FILIP1L: variants seen among roughly 807,000 people sequenced by gnomAD.
The protein encoded by FILIP1L is filamin A interacting protein 1 like.
A neutral mutation model predicts 96.6 loss-of-function variants in FILIP1L; 55 were observed. That is an observed-to-expected ratio of 0.57 (90% CI 0.46 to 0.71). The LOEUF (loss-of-function observed/expected upper bound fraction) is 0.71, where lower values mean the gene tolerates loss of function less well. Ranked by LOEUF, FILIP1L falls within the 30% of genes least tolerant of loss-of-function variation. The pLI, the probability that FILIP1L is intolerant of heterozygous loss-of-function variation, is 0.00. For synonymous variants in FILIP1L, 467 were observed against 473.9 expected (o/e 0.99, Z 0.19); for missense variants, 1,304 against 1,321.2 (o/e 0.99, Z 0.20).
At chr3:99,837,513 TGAA>T (rs1942951132) in intron 5 of FILIP1L, among the ~76,000 whole-genome samples, 1 of 152,146 alleles carries the variant, frequency 6.6e-6, no homozygotes, top group Non-Finnish European at 1.5e-5. Flanking sequence ...TTGAGTTGTT[TGAA>T]GAGTGTCTGT....
intron 1 of FILIP1L, chr3:100,041,002 T>A (rs771168452): frequency 6.6e-6 from 1 of 152,218 alleles, no homozygotes; most frequent in Non-Finnish European, 1.5e-5. Flanking sequence ...TGTCCTGAAG[T>A]ATGTCTTTGC....
chr3:100,097,530 T>C (rs1397069445), intron 1 of FILIP1L, among the ~76,000 whole-genome samples: 1 of 152,204 alleles, frequency 6.6e-6, no homozygotes, highest in Non-Finnish European at 1.5e-5. Flanking sequence ...TTTTTAGATA[T>C]TTGATGTCTT....
intron 1 of FILIP1L, among the ~76,000 whole-genome samples, chr3:99,941,842 G>A (rs1361226146): frequency 1.3e-5 from 2 of 152,102 alleles, no homozygotes; most frequent in African/African-American, 4.8e-5. Flanking sequence ...TTTTTCAGAA[G>A]AGAAAAGGGG....
intron 4 of FILIP1L, among the ~76,000 whole-genome samples, chr3:99,886,453 A>C (rs1215547875): frequency 3.9e-5 from 6 of 152,190 alleles, no homozygotes; most frequent in Admixed American, 6.5e-5. Context: ...ATGTTTTAAG[A>C]AAGTTTATGA....
intron 4 of FILIP1L, among the ~76,000 whole-genome samples, chr3:99,922,549 A>C (rs980316888): frequency 6.6e-6 from 1 of 152,232 alleles, no homozygotes; most frequent in African/African-American, 2.4e-5. Context: ...TATATGGAAA[A>C]TAAATGAAAG....
intron 4 of FILIP1L, among the ~76,000 whole-genome samples, chr3:99,892,627 C>G (rs1461374377): frequency 6.6e-6 from 1 of 152,168 alleles, no homozygotes; most frequent in Non-Finnish European, 1.5e-5. Context: ...TCATCCAAAC[C>G]TGCAACACCC....
intron 1 of FILIP1L, among the ~76,000 whole-genome samples, chr3:99,969,107 G>A (rs190673795): frequency 6.6e-6 from 1 of 152,246 alleles, no homozygotes; most frequent in East Asian, 1.9e-4. Context: ...CTGAAAAGGG[G>A]GGCCATGTGT....
chr3:99,991,951 T>TATATATGTGTGTATATATACAC (rs1553703632), intron 1 of FILIP1L, among the ~76,000 whole-genome samples: 1 of 147,234 alleles, frequency 6.8e-6, no homozygotes, highest in African/African-American at 2.5e-5. Context: ...TATATATGTG[T>TATATATGTGTGTATATATACAC]ATATATGTGT....
chr3:100,102,645 T>C (rs1002379773), intron 1 of FILIP1L, among the ~76,000 whole-genome samples: 2 of 152,210 alleles, frequency 1.3e-5, no homozygotes, highest in Non-Finnish European at 2.9e-5. Context: ...CAAGCTGCAT[T>C]CTGTGTCCTC....
chr3:100,003,953 T>A (rs1452717951), intron 1 of FILIP1L, among the ~76,000 whole-genome samples: 1 of 152,210 alleles, frequency 6.6e-6, no homozygotes, highest in East Asian at 1.9e-4. Context: ...TCAATGAGTC[T>A]ATGCCTGGGA....
At chr3:99,918,187 AG>A (rs2107647237) in intron 4 of FILIP1L, among the ~76,000 whole-genome samples, 1 of 152,188 alleles carries the variant, frequency 6.6e-6, no homozygotes, top group Non-Finnish European at 1.5e-5. Context: ...CATTTTGGCC[AG>A]GCTGGTCTCG....
At chr3:99,960,018 C>T (rs1302833517) in intron 1 of FILIP1L, among the ~76,000 whole-genome samples, 4 of 152,092 alleles carry the variant, frequency 2.6e-5, no homozygotes, top group Non-Finnish European at 4.4e-5. Context: ...TCCTCCTTTC[C>T]TGCCTCCCTC....
At chr3:100,017,062 A>G (rs1270591032) in intron 1 of FILIP1L, among the ~76,000 whole-genome samples, 1 of 152,218 alleles carries the variant, frequency 6.6e-6, no homozygotes, top group Non-Finnish European at 1.5e-5. Context: ...ATGTGTGTAT[A>G]ATTCTTCATA....
Position 99,925,638 on chromosome 3 carries a change from T to G in FILIP1L, c.427-1230A>C, listed in dbSNP as rs923837052. Among the ~76,000 whole-genome samples, 3 of 152,186 alleles carry G rather than the reference T, an allele frequency of 2.0e-5. No individual in the cohort carries two copies. In the South Asian group the frequency reaches 6.2e-4, roughly 32 times the overall value. On this transcript the variant is annotated intron_variant, in intron 3 of 5. Coordinates refer to ENST00000477258, the MANE Select transcript of FILIP1L (RefSeq NM_001387850.1). ...CAGAGAAGCTGTCCAGCTGGTACCC[T>G]TAGGGGCTTATACGTGGATGCTAAG...
chr3:100,086,508 C>T (rs1398343248), intron 1 of FILIP1L, among the ~76,000 whole-genome samples: 2 of 152,088 alleles, frequency 1.3e-5, no homozygotes, highest in African/African-American at 2.4e-5. Context: ...ACTTTTTTTA[C>T]AATTTGTTTT....
intron 1 of FILIP1L, among the ~76,000 whole-genome samples, chr3:100,095,130 T>C (rs2066182324): frequency 6.6e-6 from 1 of 152,170 alleles, no homozygotes; most frequent in African/African-American, 2.4e-5. Context: ...ACAGTCTTGA[T>C]TACTATAGTT....
intron 1 of FILIP1L, among the ~76,000 whole-genome samples, chr3:99,983,464 GTATATATATATATATATATA>G (rs1191587665): frequency 1.6e-4 from 2 of 12,678 alleles, no homozygotes; most frequent in Non-Finnish European, 3.3e-4. Context: ...ATATATGTGT[GTATATATATATATATATATA>G]TATATATATA....
chr3:100,019,562 T>C (rs2064768727), intron 1 of FILIP1L, among the ~76,000 whole-genome samples: 1 of 152,194 alleles, frequency 6.6e-6, no homozygotes, highest in East Asian at 1.9e-4. Context: ...TACGTAAAAT[T>C]GTTCTATTTT....
At chr3:99,977,286 A>T (rs914550912) in intron 1 of FILIP1L, among the ~76,000 whole-genome samples, 3 of 152,138 alleles carry the variant, frequency 2.0e-5, no homozygotes, top group Non-Finnish European at 4.4e-5. Context: ...CAGAAAAGAG[A>T]CTTAGACCAG....
Sources: gnomAD v4.1 joint callset for allele counts (sites outside exome capture counted in the v4.1 genomes callset) on GRCh38, gnomAD v4.1.1 for gene constraint, MANE v1.5 for transcripts, NCBI Gene and HGNC (gene_info 2026-07-23, HGNC 2026-07-21) for gene names.